The following NSL1 variants were observed in gnomAD, a reference collection of about 807,000 sequenced individuals.
NSL1 encodes the protein NSL1 component of MIS12 kinetochore complex.
Under a neutral mutation model 25.4 loss-of-function variants are expected in NSL1, and 11 were observed. That is an observed-to-expected ratio of 0.43 (90% CI 0.27 to 0.72). The LOEUF (loss-of-function observed/expected upper bound fraction) is 0.72, where lower values mean the gene tolerates loss of function less well. NSL1 is among the 30% of genes least tolerant of loss of function. NSL1 has a pLI of 0.19. For synonymous variants in NSL1, 118 were observed against 120.6 expected (o/e 0.98, Z 0.14); for missense variants, 330 against 342.7 (o/e 0.96, Z 0.29).
intron 4 of NSL1, among the ~76,000 whole-genome samples, chr1:212,740,308 G>C (rs1320513325): frequency 6.6e-6 from 1 of 152,104 alleles, no homozygotes; most frequent in African/African-American, 2.4e-5. Flanking sequence ...AATAACCCAG[G>C]CAAAATATTT....
intron 4 of NSL1, among the ~76,000 whole-genome samples, chr1:212,778,017 CAAT>C (rs758305853): frequency 5.3e-5 from 8 of 152,056 alleles, no homozygotes; most frequent in Non-Finnish European, 1.2e-4. Flanking sequence ...ATAGAGATGA[CAAT>C]AACAAAATGA....
intron 4 of NSL1, among the ~76,000 whole-genome samples, chr1:212,764,868 A>ATG: frequency 1.4e-5 from 2 of 138,138 alleles, no homozygotes; most frequent in African/African-American, 2.9e-5. Context: ...AAAAAAAAAA[A>ATG]AAAGAAAGAA....
intron 4 of NSL1, among the ~76,000 whole-genome samples, chr1:212,775,797 T>C (rs76350338): frequency 0.023 from 3,460 of 151,904 alleles, 62 homozygotes; most frequent in South Asian, 0.041. Flanking sequence ...AATCATTGAG[T>C]ACAAAAAAAG....
At position 212,730,143 on chromosome 1, in the gene NSL1, G is replaced by A. The variant is rs1657953387; in HGVS notation, c.*8265C>T. 3.5e-6 allele frequency: 3 copies of A among 849,960 alleles called. No individual in the cohort carries two copies. The highest frequency in any genetic ancestry group is 4.2e-6 in the Non-Finnish European group (3 of 708,212). 52.7% of individuals were successfully genotyped at this position (849,960 alleles called of 1,614,324 possible). On this transcript the variant is annotated 3_prime_UTR_variant, in exon 6 of 6. Transcript: ENST00000366977. ...CACGCGCCTGTAATCCCAGCTACTCGGGAGGCTAAGGCATGAGAACCTCTT... is the reference window on the plus strand; with the variant it reads ...CACGCGCCTGTAATCCCAGCTACTCAGGAGGCTAAGGCATGAGAACCTCTT...
intron 1 of NSL1, among the ~76,000 whole-genome samples, chr1:212,789,314 C>T (rs538742368): frequency 6.6e-5 from 10 of 152,126 alleles, no homozygotes; most frequent in Non-Finnish European, 1.5e-4. Flanking sequence ...CAGGTTCAAG[C>T]GATTCTCCTG....
chr1:212,748,384 A>G (rs1658906819), intron 4 of NSL1, among the ~76,000 whole-genome samples: 1 of 152,238 alleles, frequency 6.6e-6, no homozygotes, highest in Admixed American at 6.5e-5. Flanking sequence ...TTCTAGATAT[A>G]TATCTACGAG....
chr1:212,764,088 C>A (rs1659690032), intron 4 of NSL1: 2 of 369,876 alleles, frequency 5.4e-6, no homozygotes, highest in Admixed American at 3.2e-5. Flanking sequence ...TCTTCTCAGA[C>A]CACAGTGGAA....
chr1:212,782,520 T>C, intron 3 of NSL1, 94 bp from the exon 4 acceptor site: 2 of 921,716 alleles, frequency 2.2e-6, no homozygotes, highest in East Asian at 4.9e-5. Context: ...ATAGAGTCAG[T>C]ACCATTCTTT....
In NSL1 at chr1:212,752,889, C is replaced by CAAAAAAAAAAAAAA. The variant is rs11284993; in HGVS notation, c.500-13302_500-13289dup. 2.5e-4 allele frequency among the ~76,000 whole-genome samples: 33 copies of CAAAAAAAAAAAAAA among 133,962 alleles called. 1 individual carries two copies. The South Asian group carries it at 7.2e-3, about 29-fold the overall frequency. 87.9% of individuals were successfully genotyped at this position (133,962 alleles called of 152,430 possible). A position where few individuals can be genotyped will look rare whatever the true frequency, so the allele number is the denominator to read the frequency against. On this transcript the variant is annotated intron_variant, in intron 4 of 5. Transcript: ENST00000366977. ...AGCCTGCCCAAATTCAGAAATTCAG[C>CAAAAAAAAAAAAAA]AAAAAAAAAAAAAAGCACTAAGTGA... is the stretch of plus-strand genomic sequence containing the variant.
intron 1 of NSL1, among the ~76,000 whole-genome samples, chr1:212,790,175 G>A (rs535806012): frequency 2.0e-5 from 3 of 152,114 alleles, no homozygotes; most frequent in Non-Finnish European, 2.9e-5. Flanking sequence ...CACCATGGCC[G>A]GCTAATTTTT....
chr1:212,738,216 A>G lies in NSL1; in HGVS notation c.*192T>C. 7.5e-7 allele frequency: 1 copy of G among 1,330,160 alleles called. No individual in the cohort carries two copies. The highest frequency in any genetic ancestry group is 3.4e-5 in the Admixed American group (1 of 29,180). The allele number at this position is 1,330,160 out of a possible 1,614,324, so 82.4% of individuals were successfully genotyped here. Reference sequence around the variant, plus strand: ...ATACTTTTTAAAATGCTTTTTATTTACAATAGATAAAACAGTAAGGAAATA... The same window carrying G: ...ATACTTTTTAAAATGCTTTTTATTTGCAATAGATAAAACAGTAAGGAAATA... On this transcript the variant is annotated 3_prime_UTR_variant, in exon 6 of 6. Coordinates refer to ENST00000366977, the MANE Select transcript of NSL1 (RefSeq NM_015471.4).
chr1:212,780,863 G>A (rs1316143088), intron 4 of NSL1, among the ~76,000 whole-genome samples: 1 of 152,034 alleles, frequency 6.6e-6, no homozygotes, highest in Non-Finnish European at 1.5e-5. Flanking sequence ...ATGTGGCTTG[G>A]TTATACTACC....
chr1:212,772,660 G>C (rs191459256), intron 4 of NSL1, among the ~76,000 whole-genome samples: 6 of 151,404 alleles, frequency 4.0e-5, no homozygotes, highest in African/African-American at 7.3e-5. Flanking sequence ...CTGAGTGACA[G>C]AGTGAGACAT....
At chr1:212,776,298 C>G (rs1248764833) in intron 4 of NSL1, among the ~76,000 whole-genome samples, 2 of 151,570 alleles carry the variant, frequency 1.3e-5, no homozygotes, top group African/African-American at 4.8e-5. Context: ...AGGAGGCGGA[C>G]AGTGCAGTGA....
chr1:212,790,577 A>G (rs1661164446), intron 1 of NSL1, among the ~76,000 whole-genome samples: 1 of 152,178 alleles, frequency 6.6e-6, no homozygotes, highest in South Asian at 2.1e-4. Context: ...TTAAAAGCTC[A>G]TAATACCGCA....
Position 212,727,884 on chromosome 1 carries a change from G to C in NSL1, c.*10524C>G. ...AAAATGTTTGTTGATACTCTCTGTT[G>C]CTATGTGTCATTGAAAAAAAATGAG... On this transcript the variant is annotated 3_prime_UTR_variant, in exon 6 of 6. Coordinates refer to ENST00000366977, the MANE Select transcript of NSL1 (RefSeq NM_015471.4). 2.0e-6 allele frequency: 2 copies of C among 985,312 alleles called. No homozygotes were observed. Among genetic ancestry groups the C allele is most frequent in the Non-Finnish European group, 2.4e-6 (2 of 829,828 alleles). The allele number at this position is 985,312 out of a possible 1,614,324, so 61.0% of individuals were successfully genotyped here.
At chr1:212,764,441 A>G (rs1042627534) in intron 4 of NSL1, among the ~76,000 whole-genome samples, 3 of 152,242 alleles carry the variant, frequency 2.0e-5, no homozygotes, top group African/African-American at 7.2e-5. Context: ...AATGAAATTG[A>G]AACAAACAAA....
At chr1:212,788,001 A>G (rs964518976) in intron 1 of NSL1, among the ~76,000 whole-genome samples, 1 of 152,248 alleles carries the variant, frequency 6.6e-6, no homozygotes, top group Non-Finnish European at 1.5e-5. Flanking sequence ...TGTTGATGTT[A>G]ACAAGAGGGA....
In NSL1 at chr1:212,738,092, C is replaced by G. The variant is rs1658311822; in HGVS notation, c.*316G>C. On this transcript the variant is annotated 3_prime_UTR_variant, in exon 6 of 6. Coordinates refer to ENST00000366977, the MANE Select transcript of NSL1 (RefSeq NM_015471.4). ...AACAGAATTTGTTACTTGTTAAATCCCACAAAAGCTACAAGGGAGCTGAGA... is the reference window on the plus strand; with the variant it reads ...AACAGAATTTGTTACTTGTTAAATCGCACAAAAGCTACAAGGGAGCTGAGA... 7 of 1,027,236 alleles carry G rather than the reference C, an allele frequency of 6.8e-6. No homozygotes were observed. Among genetic ancestry groups the G allele is most frequent in the Non-Finnish European group, 8.2e-6 (7 of 857,632 alleles). 63.6% of individuals were successfully genotyped at this position (1,027,236 alleles called of 1,614,324 possible). A position where few individuals can be genotyped will look rare whatever the true frequency, so the allele number is the denominator to read the frequency against.
Sources: gnomAD v4.1 joint callset for allele counts (sites outside exome capture counted in the v4.1 genomes callset) on GRCh38, gnomAD v4.1.1 for gene constraint, MANE v1.5 for transcripts, NCBI Gene and HGNC (gene_info 2026-07-23, HGNC 2026-07-21) for gene names.